OSBPL9: variants seen among roughly 807,000 people sequenced by gnomAD.
OSBPL9 encodes oxysterol-binding protein-related protein 9.
In OSBPL9, 40 loss-of-function variants were observed where a neutral mutation model predicts 106.6. The ratio of observed to expected loss-of-function variants is 0.38; its 90% confidence interval spans 0.29 to 0.49. The LOEUF (loss-of-function observed/expected upper bound fraction) is 0.49, where lower values mean the gene tolerates loss of function less well. Ranked by LOEUF, OSBPL9 falls within the 20% of genes least tolerant of loss-of-function variation. The probability of loss-of-function intolerance (pLI) is 0.97; values close to 1 mark genes in which losing one functional copy is unlikely to be tolerated. For synonymous variants in OSBPL9, 269 were observed against 295.4 expected, an observed-to-expected ratio of 0.91 and a Z score of 0.92; for missense variants, 609 against 887.2, an observed-to-expected ratio of 0.69 and a Z score of 3.98.
chr1:51,624,148 C>A (rs527614369), intron 1 of OSBPL9, among the ~76,000 whole-genome samples: 2 of 152,062 alleles, frequency 1.3e-5, no homozygotes, highest in Non-Finnish European at 2.9e-5. Flanking sequence ...AACTCCTGAC[C>A]TCAGATCATC....
chr1:51,618,059 C>T (rs1644188300), intron 1 of OSBPL9, among the ~76,000 whole-genome samples: 1 of 151,322 alleles, frequency 6.6e-6, no homozygotes, highest in Admixed American at 6.6e-5. Flanking sequence ...GCCCTGTTGC[C>T]CAGGCTGGCG....
At chr1:51,562,454 G>C in the OSBPL9 span, among the ~76,000 whole-genome samples, 1 of 152,110 alleles carries the variant, frequency 6.6e-6, no homozygotes, top group Non-Finnish European at 1.5e-5. Flanking sequence ...AGCCAATTAA[G>C]CCTCTTTTCT....
intron 2 of OSBPL9, among the ~76,000 whole-genome samples, chr1:51,658,474 C>CA (rs1269355834): frequency 6.6e-6 from 1 of 151,820 alleles, no homozygotes; most frequent in Non-Finnish European, 1.5e-5. Context: ...TTATATTAAA[C>CA]AAAGTTTTAA....
At chr1:51,694,894 T>G (rs1655708858) in intron 3 of OSBPL9, among the ~76,000 whole-genome samples, 1 of 152,204 alleles carries the variant, frequency 6.6e-6, no homozygotes, top group South Asian at 2.1e-4. Context: ...TGTTGTCAAT[T>G]TTTCCTGAAA....
At chr1:51,675,389 T>A (rs1036996310) in intron 3 of OSBPL9, among the ~76,000 whole-genome samples, 2 of 150,954 alleles carry the variant, frequency 1.3e-5, no homozygotes, top group East Asian at 1.9e-4. Context: ...TTATTTATTT[T>A]TTGTGAATGG....
intron 13 of OSBPL9, among the ~76,000 whole-genome samples, chr1:51,772,393 T>C (rs553508122): frequency 1.3e-5 from 2 of 152,284 alleles, no homozygotes; most frequent in Admixed American, 6.5e-5. Context: ...TGCGTGCCTG[T>C]AATCCCAGCT....
At chr1:51,562,271 T>C in the OSBPL9 span, among the ~76,000 whole-genome samples, 244 of 152,192 alleles carry the variant, frequency 1.6e-3, 2 homozygotes, top group Admixed American at 0.015. Context: ...TGAGTTATCA[T>C]GATATCTGGT....
the OSBPL9 span, among the ~76,000 whole-genome samples, chr1:51,521,588 C>T: frequency 1.3e-5 from 2 of 149,996 alleles, no homozygotes; most frequent in South Asian, 2.1e-4. Context: ...AAAAGCACAC[C>T]TTACCCAGGC....
chr1:51,740,073 A>G (rs1666559111), intron 4 of OSBPL9: 1 of 1,536,130 alleles, frequency 6.5e-7, no homozygotes, highest in Non-Finnish European at 8.8e-7. Context: ...CTATTCCTTT[A>G]CTTGATTATT....
chr1:51,648,449 G>A (rs1646303815), intron 1 of OSBPL9, among the ~76,000 whole-genome samples: 1 of 152,158 alleles, frequency 6.6e-6, no homozygotes, highest in Admixed American at 6.5e-5. Flanking sequence ...CCTTTGCCCC[G>A]GTTGAAAAAC....
At chr1:51,525,506 A>T in the OSBPL9 span, among the ~76,000 whole-genome samples, 2 of 152,062 alleles carry the variant, frequency 1.3e-5, no homozygotes, top group Non-Finnish European at 2.9e-5. Context: ...TTATAGCACA[A>T]ATAGAGGATG....
intron 15 of OSBPL9, among the ~76,000 whole-genome samples, chr1:51,778,069 G>A (rs975626781): frequency 6.6e-6 from 1 of 152,024 alleles, no homozygotes. Flanking sequence ...AAGGCAGGAG[G>A]GTCATGCAGT....
At chr1:51,571,887 A>T in the OSBPL9 span, among the ~76,000 whole-genome samples, 1 of 152,106 alleles carries the variant, frequency 6.6e-6, no homozygotes, top group African/African-American at 2.4e-5. Flanking sequence ...GTAACCCAGG[A>T]CTCTTCTAAA....
intron 1 of OSBPL9, among the ~76,000 whole-genome samples, chr1:51,650,301 C>G (rs139235201): frequency 2.0e-4 from 30 of 152,260 alleles, no homozygotes; most frequent in Admixed American, 8.5e-4. Flanking sequence ...AGAAGAGGAT[C>G]AAGGATGAAT....
At chr1:51,748,476 T>A (rs1314709423) in intron 7 of OSBPL9, 78 bp downstream of exon 7, 6 of 1,333,604 alleles carry the variant, frequency 4.5e-6, no homozygotes, top group Non-Finnish European at 5.9e-6. Context: ...AAGCTGCCAC[T>A]ATTGATGACA....
the OSBPL9 span, among the ~76,000 whole-genome samples, chr1:51,541,056 G>A: frequency 5.3e-5 from 8 of 151,834 alleles, no homozygotes; most frequent in South Asian, 2.1e-4. Flanking sequence ...GCTTGAACCC[G>A]AGAGGCAGAG....
Position 51,726,056 on chromosome 1 carries a change from A to G in OSBPL9, c.318+11977A>G, listed in dbSNP as rs557098854. 3.3e-5 allele frequency among the ~76,000 whole-genome samples: 5 copies of G among 152,372 alleles called. No individual in the cohort carries two copies. The South Asian group carries it at 8.3e-4, about 25-fold the overall frequency. On this transcript the variant is annotated intron_variant, in intron 4 of 23. Coordinates refer to ENST00000428468, the MANE Select transcript of OSBPL9 (RefSeq NM_024586.6). ...ATTTTATATGTTTTCTGTATTATAT[A>G]TTGTATTCTTACAATAAAGAGAAAA... is the stretch of plus-strand genomic sequence containing the variant.
the OSBPL9 span, among the ~76,000 whole-genome samples, chr1:51,528,516 C>G: frequency 1.3e-5 from 2 of 151,758 alleles, no homozygotes; most frequent in Non-Finnish European, 2.9e-5. Flanking sequence ...TGCACTTCAG[C>G]CTGGGTGACA....
chr1:51,552,863 T>C, the OSBPL9 span, among the ~76,000 whole-genome samples: 1 of 151,992 alleles, frequency 6.6e-6, no homozygotes, highest in Non-Finnish European at 1.5e-5. Context: ...GACCTAGTGA[T>C]CCACCCACCT....
Sources: gnomAD v4.1 joint callset for allele counts (sites outside exome capture counted in the v4.1 genomes callset) on GRCh38, gnomAD v4.1.1 for gene constraint, MANE v1.5 for transcripts, NCBI Gene and HGNC (gene_info 2026-07-23, HGNC 2026-07-21) for gene names.